Variants in PTPRN2 observed in about 807,000 individuals in gnomAD.
The protein encoded by PTPRN2 is receptor-type tyrosine-protein phosphatase N2.
PTPRN2 carries 74 observed loss-of-function variants against 118.8 expected under a neutral mutation model. That is an observed-to-expected ratio of 0.62 (90% confidence interval 0.52 to 0.76). The LOEUF (loss-of-function observed/expected upper bound fraction) is 0.76. PTPRN2 is among the 30% of genes least tolerant of loss of function. The pLI, the probability that PTPRN2 is intolerant of heterozygous loss-of-function variation, is 0.00. For synonymous variants in PTPRN2, 641 were observed against 608.0 expected (o/e 1.05, Z -0.80); for missense variants, 1,481 against 1,394.4 (o/e 1.06, Z -0.99).
rs941159848 is a variant in PTPRN2 at position 158,565,550 on chromosome 7, G to A, written c.112+22008C>T. On this transcript the variant is annotated intron_variant, in intron 1 of 22. Transcript: ENST00000389418. This position sits in a 1 kb window ranked among gnomAD's most constrained non-coding sequence, Gnocchi z 4.6. ...GCTCAATGGTGAGAAATCTTAACTCGGACGGCAAACTTCCCGTCTGGGATC... is the reference window on the plus strand; with the variant it reads ...GCTCAATGGTGAGAAATCTTAACTCAGACGGCAAACTTCCCGTCTGGGATC... 2.6e-5 allele frequency among the ~76,000 whole-genome samples: 4 copies of A among 152,112 alleles called. No individual in the cohort carries two copies. The highest frequency in any genetic ancestry group is 2.1e-4 in the South Asian group (1 of 4,824).
rs1563389532 is a variant in PTPRN2 at position 158,522,278 on chromosome 7, CGGG to C, written c.113-32496_113-32494del. 2.5e-3 allele frequency among the ~76,000 whole-genome samples: 177 copies of C among 70,070 alleles called. 29 individuals are homozygous for C. The highest frequency in any genetic ancestry group is 0.015 in the South Asian group (23 of 1,516). 46.0% of individuals were successfully genotyped at this position (70,070 alleles called of 152,430 possible). A position where few individuals can be genotyped will look rare whatever the true frequency, so the allele number is the denominator to read the frequency against. On this transcript the variant is annotated intron_variant, in intron 1 of 22. Transcript: ENST00000389418. Reference sequence around the variant, plus strand: ...ATGGTGGACTGTCCAGGTGCTGGCTCGGGAGGGAGGTCCACGTCACAATGGTGG... The same window carrying C: ...ATGGTGGACTGTCCAGGTGCTGGCTCAGGGAGGTCCACGTCACAATGGTGG...
At chr7:158,434,757 TTTA>T (rs1369359052) in intron 2 of PTPRN2, among the ~76,000 whole-genome samples, 1 of 152,216 alleles carries the variant, frequency 6.6e-6, no homozygotes, top group Non-Finnish European at 1.5e-5. Flanking sequence ...ATGGAGTATT[TTTA>T]TTATTATTTT....
intron 14 of PTPRN2, among the ~76,000 whole-genome samples, chr7:157,655,059 G>A (rs1457449404): frequency 1.3e-5 from 2 of 152,266 alleles, no homozygotes; most frequent in African/African-American, 4.8e-5. Flanking sequence ...TGACAGGTCT[G>A]CCGAGTGAAC....
chr7:157,660,263 A>C (rs1410747865), intron 13 of PTPRN2, among the ~76,000 whole-genome samples: 1 of 152,156 alleles, frequency 6.6e-6, no homozygotes, highest in Non-Finnish European at 1.5e-5. Flanking sequence ...AGATTTACTC[A>C]CATAAAAATA....
intron 17 of PTPRN2, among the ~76,000 whole-genome samples, chr7:157,588,954 T>C (rs1800831031): frequency 6.6e-6 from 1 of 152,180 alleles, no homozygotes; most frequent in Admixed American, 6.5e-5. Context: ...ATTTTAATTG[T>C]AGTAAAAGAT....
intron 2 of PTPRN2, among the ~76,000 whole-genome samples, chr7:158,458,887 C>T (rs767983247): frequency 1.3e-5 from 2 of 152,166 alleles, no homozygotes; most frequent in African/African-American, 2.4e-5. Context: ...CTGAGGACTG[C>T]GTGATCTTCA....
intron 11 of PTPRN2, among the ~76,000 whole-genome samples, chr7:157,902,790 G>C (rs1797547960): frequency 6.6e-6 from 1 of 152,186 alleles, no homozygotes; most frequent in South Asian, 2.1e-4. Flanking sequence ...TGATTCCAAA[G>C]CACGTGCTGT....
chr7:157,718,657 C>T (rs1410409463), intron 12 of PTPRN2, among the ~76,000 whole-genome samples: 1 of 151,934 alleles, frequency 6.6e-6, no homozygotes, highest in Admixed American at 6.6e-5. Flanking sequence ...TCAGCATGTC[C>T]AGGCATCCGC....
At chr7:158,150,840 C>G (rs1820942038) in intron 6 of PTPRN2, among the ~76,000 whole-genome samples, 1 of 152,050 alleles carries the variant, frequency 6.6e-6, no homozygotes, top group Non-Finnish European at 1.5e-5. Flanking sequence ...TGCACCCCAG[C>G]CACTCTGGCC....
chr7:158,092,613 T>C (rs1333387222), intron 10 of PTPRN2, among the ~76,000 whole-genome samples: 1 of 152,184 alleles, frequency 6.6e-6, no homozygotes, highest in Non-Finnish European at 1.5e-5. Flanking sequence ...ATTTAGTGAA[T>C]TGCTCATTCT....
chr7:158,139,817 G>A (rs933123003), intron 6 of PTPRN2, among the ~76,000 whole-genome samples: 3 of 152,154 alleles, frequency 2.0e-5, no homozygotes, highest in African/African-American at 7.2e-5. Context: ...GGCATTTGAC[G>A]TTACAGATAA....
chr7:157,871,037 G>A lies in PTPRN2; in HGVS notation c.1788+27636C>T, dbSNP rs73165877. On this transcript the variant is annotated intron_variant, in intron 12 of 22. Transcript: ENST00000389418. ...CTCTTGCAGTGCTGGTGCTGGGGGC[G>A]CTAGGCCATGAGCTGCACAGCTGGG... is the stretch of plus-strand genomic sequence containing the variant. 3.4e-3 allele frequency among the ~76,000 whole-genome samples: 518 copies of A among 152,330 alleles called. 2 individuals are homozygous for A. Among genetic ancestry groups the A allele is most frequent in the Non-Finnish European group, 2.6e-3 (174 of 68,038 alleles).
intron 11 of PTPRN2, among the ~76,000 whole-genome samples, chr7:157,905,235 A>C (rs894972097): frequency 3.3e-5 from 5 of 152,200 alleles, no homozygotes; most frequent in Non-Finnish European, 7.3e-5. Flanking sequence ...CTCCATGACA[A>C]TACTGCCAAT....
At chr7:157,616,170 C>T (rs1375401507) in intron 15 of PTPRN2, 1 of 155,514 alleles carries the variant, frequency 6.4e-6, no homozygotes, top group Non-Finnish European at 1.4e-5. Flanking sequence ...GACGGGTAGC[C>T]ATGCCACACC....
intron 2 of PTPRN2, among the ~76,000 whole-genome samples, chr7:158,404,919 GGCTCCCAGCTCCCCGGCCCCAGCTCCCCA>G (rs1813278855): frequency 8.5e-6 from 1 of 117,470 alleles, no homozygotes; most frequent in African/African-American, 3.4e-5. Flanking sequence ...CCAGCTCCCT[GGCTCCCAGCTCCCCGGCCCCAGCTCCCCA>G]GCTCCCAGCT....
At chr7:158,310,421 A>T (rs1801605469) in intron 3 of PTPRN2, among the ~76,000 whole-genome samples, 1 of 152,198 alleles carries the variant, frequency 6.6e-6, no homozygotes, top group Admixed American at 6.5e-5. Flanking sequence ...GACGGTGGAG[A>T]AGAGGCTGTG....
chr7:157,770,677 T>C (rs1802746544), intron 12 of PTPRN2, among the ~76,000 whole-genome samples: 2 of 152,216 alleles, frequency 1.3e-5, no homozygotes, highest in Non-Finnish European at 2.9e-5. Context: ...TCGTATCCTC[T>C]AATACATCCC....
At chr7:158,208,980 C>T (rs1436582707) in intron 3 of PTPRN2, among the ~76,000 whole-genome samples, 1 of 151,846 alleles carries the variant, frequency 6.6e-6, no homozygotes, top group South Asian at 2.1e-4. Flanking sequence ...AGTTGTCATC[C>T]GTTTAAAATA....
intron 2 of PTPRN2, among the ~76,000 whole-genome samples, chr7:158,340,650 C>T (rs1365341873): frequency 4.9e-5 from 5 of 102,162 alleles, no homozygotes; most frequent in Admixed American, 9.4e-5. Context: ...TAAGAGCTGA[C>T]GCCCGCAGAC....
Sources: gnomAD v4.1 joint callset for allele counts (sites outside exome capture counted in the v4.1 genomes callset) on GRCh38, gnomAD v4.1.1 for gene constraint, Gnocchi (gnomAD v3.1) non-coding constraint, MANE v1.5 for transcripts, NCBI Gene and HGNC (gene_info 2026-07-23, HGNC 2026-07-21) for gene names.